The following CUBN variants were observed in gnomAD, a reference collection of about 807,000 sequenced individuals.
CUBN encodes cubilin.
In CUBN, 282 loss-of-function variants were observed where a neutral mutation model predicts 405.3. That is an observed-to-expected ratio of 0.70 (90% CI 0.63 to 0.77). The LOEUF (loss-of-function observed/expected upper bound fraction) is 0.77. CUBN is among the 30% of genes least tolerant of loss of function. The pLI, the probability that CUBN is intolerant of heterozygous loss-of-function variation, is 0.00. For missense variants in CUBN, 4,514 were observed against 4,475.2 expected (o/e 1.01, Z -0.25); for synonymous variants, 1,684 against 1,617.0 (o/e 1.04, Z -0.99).
At chr10:16,872,883 T>C (rs1439793766) in intron 58 of CUBN, among the ~76,000 whole-genome samples, 2 of 152,238 alleles carry the variant, frequency 1.3e-5, no homozygotes, top group Non-Finnish European at 2.9e-5. Flanking sequence ...AAAGACACTC[T>C]GTTTTCCTAC....
intron 38 of CUBN, 119 bp from the exon 39 acceptor site, chr10:16,937,903 G>C (rs1332302005): frequency 1.2e-6 from 1 of 850,604 alleles, no homozygotes. Flanking sequence ...AATGACAAAT[G>C]AGTAAACATT....
chr10:16,867,974 C>T lies in CUBN; in HGVS notation c.9454+1662G>A, dbSNP rs569901174. ...AAAAGAAAAACAACTTGAAAGGTAG[C>T]AAAGCAAATGCAGACATAGGACATT... On this transcript the variant is annotated intron_variant, in intron 59 of 66. Transcript: ENST00000377833. 4.6e-5 allele frequency among the ~76,000 whole-genome samples: 7 copies of T among 152,182 alleles called. No individual in the cohort carries two copies. In the South Asian group the frequency reaches 1.5e-3, roughly 32 times the overall value.
chr10:16,925,851 G>T lies in CUBN; in HGVS notation c.6272-77C>A, dbSNP rs191612012. 146 of 1,365,326 alleles carry T rather than the reference G, an allele frequency of 1.1e-4. No homozygotes were observed. The African/African-American group carries it at 1.8e-3, about 16-fold the overall frequency. The allele number at this position is 1,365,326 out of a possible 1,614,324, so 84.6% of individuals were successfully genotyped here. A position where few individuals can be genotyped will look rare whatever the true frequency, so the allele number is the denominator to read the frequency against. On this transcript the variant is annotated intron_variant, in intron 41 of 66. Coordinates refer to ENST00000377833, the MANE Select transcript of CUBN (RefSeq NM_001081.4). Reference sequence around the variant, plus strand: ...TTTTTATGCTTTCTTAGTTTTCTTGGGGGGTTTTCAAAGTGGAGGCAATAA... The same window carrying T: ...TTTTTATGCTTTCTTAGTTTTCTTGTGGGGTTTTCAAAGTGGAGGCAATAA...
intron 28 of CUBN, among the ~76,000 whole-genome samples, chr10:17,010,219 C>A (rs1834143604): frequency 1.3e-5 from 2 of 152,246 alleles, no homozygotes; most frequent in African/African-American, 2.4e-5. Flanking sequence ...CTTTCTGTCT[C>A]TTTTCACACT....
chr10:16,885,596 T>C (rs1840788624), intron 56 of CUBN, among the ~76,000 whole-genome samples: 1 of 151,768 alleles, frequency 6.6e-6, no homozygotes, highest in Non-Finnish European at 1.5e-5. Context: ...CTGTGCTCAC[T>C]TTCCCTGTAC....
In CUBN at chr10:16,933,110, T is replaced by C. The variant is rs771282806; in HGVS notation, c.6101A>G (p.Tyr2034Cys). The C allele has an allele frequency of 1.1e-4, 173 of 1,614,002 alleles. No homozygotes were observed. The highest frequency in any genetic ancestry group is 1.4e-4 in the Non-Finnish European group (168 of 1,180,004). The part of the protein sequence containing the change: ...LDIESHRTCA[Y>C]DSLVIRDGDN... Reference sequence around the variant, plus strand: ...ACCATCTCGTATCACAAGGCTATCATAGGCACACGTTCGGTGAGATTCAAT... The same window carrying C: ...ACCATCTCGTATCACAAGGCTATCACAGGCACACGTTCGGTGAGATTCAAT... Residue 2034 changes from tyrosine (Y) to cysteine (C), a missense_variant, in exon 40 of 67, where the codon TAT (tyrosine) becomes TGT (cysteine). Physicochemically the swap from Tyr to Cys is radical, Grantham distance 194 (BLOSUM62 -2). Around this residue, in one of 5 missense-constraint regions of CUBN, gnomAD observed 1,613 missense variants for 1,542.8 expected, o/e 1.05. Coordinates refer to ENST00000377833, the MANE Select transcript of CUBN (RefSeq NM_001081.4).
chr10:17,031,724 A>G (rs777869627), intron 27 of CUBN, among the ~76,000 whole-genome samples: 1 of 152,224 alleles, frequency 6.6e-6, no homozygotes, highest in Non-Finnish European at 1.5e-5. Flanking sequence ...AGAACAATAG[A>G]AAGCACAGTG....
At chr10:16,834,033 C>T (rs898644545) in intron 64 of CUBN, among the ~76,000 whole-genome samples, 1 of 152,184 alleles carries the variant, frequency 6.6e-6, no homozygotes, top group Non-Finnish European at 1.5e-5. Flanking sequence ...CACAGAGGAA[C>T]TCAGCATCTT....
intron 63 of CUBN, 75 bp from the exon 64 acceptor site, chr10:16,835,270 C>T: frequency 8.0e-7 from 1 of 1,242,258 alleles, no homozygotes; most frequent in Non-Finnish European, 1.2e-6. Flanking sequence ...AGGAATCATT[C>T]AAAAAGATCA....
At chr10:16,919,904 A>G (rs1841984227) in intron 44 of CUBN, 59 bp downstream of exon 44, 1 of 1,546,390 alleles carries the variant, frequency 6.5e-7, no homozygotes, top group Middle Eastern at 2.3e-4. Context: ...GTTTTGAGAC[A>G]TGACGGTTAA....
intron 56 of CUBN, among the ~76,000 whole-genome samples, chr10:16,877,968 T>A (rs979653542): frequency 3.3e-5 from 5 of 152,220 alleles, no homozygotes; most frequent in African/African-American, 1.2e-4. Flanking sequence ...ATCATGCATT[T>A]GTATGTGATT....
At chr10:16,935,676 G>A (rs372052432) in intron 39 of CUBN, among the ~76,000 whole-genome samples, 4 of 151,902 alleles carry the variant, frequency 2.6e-5, no homozygotes, top group East Asian at 1.9e-4. Context: ...TCAGGAGATC[G>A]AGACCATCCT....
In CUBN at chr10:17,110,982, C is replaced by T; in HGVS notation, c.952G>A (p.Val318Met). ...TTCACACACTCAACGGGTGGAGCCA[C>T]AGAACAGCCGCCGTTATTTATCTCA... ...ECEINNGGCS[V>M]APPVECVNTP... Residue 318 changes from valine to methionine, a missense_variant, in exon 9 of 67, where the codon GTG (valine) becomes ATG (methionine). Val to Met is a conservative substitution (Grantham distance 21, BLOSUM62 1). This residue lies in a region of CUBN where 1,448 missense variants were observed against 1,388.0 expected (regional missense o/e 1.04). Transcript: ENST00000377833. 6.2e-7 allele frequency: 1 copy of T among 1,614,192 alleles called. No individual in the cohort carries two copies. Among genetic ancestry groups the T allele is most frequent in the Non-Finnish European group, 8.5e-7 (1 of 1,180,032 alleles).
intron 60 of CUBN, among the ~76,000 whole-genome samples, chr10:16,847,461 A>G (rs1466721081): frequency 6.6e-6 from 1 of 151,178 alleles, no homozygotes; most frequent in Non-Finnish European, 1.5e-5. Context: ...CAGCCTGGGC[A>G]AAACAGCAAG....
intron 21 of CUBN, among the ~76,000 whole-genome samples, chr10:17,066,086 T>C (rs143020712): frequency 5.3e-5 from 8 of 152,312 alleles, no homozygotes; most frequent in Non-Finnish European, 8.8e-5. Flanking sequence ...ACCTACTTCA[T>C]AGAGTTGTTT....
At chr10:17,052,055 G>GT (rs930654524) in intron 22 of CUBN, among the ~76,000 whole-genome samples, 11 of 152,082 alleles carry the variant, frequency 7.2e-5, no homozygotes, top group Middle Eastern at 3.4e-3. Flanking sequence ...GGGGCGGGGG[G>GT]GAAGCCACAT....
At chr10:16,866,773 C>G (rs749716708) in intron 59 of CUBN, among the ~76,000 whole-genome samples, 7 of 152,148 alleles carry the variant, frequency 4.6e-5, no homozygotes, top group Non-Finnish European at 1.0e-4. Flanking sequence ...AGTTAGAGAT[C>G]AGCTCATGCT....
intron 19 of CUBN, among the ~76,000 whole-genome samples, chr10:17,070,748 GTTT>G (rs950834194): frequency 1.3e-5 from 2 of 152,106 alleles, no homozygotes; most frequent in African/African-American, 4.8e-5. Context: ...AGTTCTAATA[GTTT>G]TTTATGTGTG....
intron 27 of CUBN, among the ~76,000 whole-genome samples, chr10:17,037,392 T>C (rs2131810919): frequency 6.6e-6 from 1 of 152,326 alleles, no homozygotes; most frequent in South Asian, 2.1e-4. Flanking sequence ...TATCTCTGTT[T>C]AGATTCTTAA....
Sources: gnomAD v4.1 joint callset for allele counts (sites outside exome capture counted in the v4.1 genomes callset) on GRCh38, gnomAD v4.1.1 for gene constraint, gnomAD v4.1.1 regional missense constraint, MANE v1.5 for transcripts, NCBI Gene and HGNC (gene_info 2026-07-23, HGNC 2026-07-21) for gene names.